Variants in PDCD10 observed in about 807,000 individuals in gnomAD.
PDCD10 encodes the protein programmed cell death 10, also known as programmed cell death protein 10.
In PDCD10, 4 loss-of-function variants were observed where a neutral mutation model predicts 29.2. The ratio of observed to expected loss-of-function variants is 0.14; its 90% CI spans 0.07 to 0.31. The LOEUF is 0.31. Among genes scored for constraint, PDCD10 ranks in the 10% least tolerant of loss-of-function variants. The pLI, the probability that PDCD10 is intolerant of heterozygous loss-of-function variation, is 1.00. For missense variants in PDCD10, 183 were observed against 257.9 expected (o/e 0.71, Z 1.99); for synonymous variants, 70 against 82.2 (o/e 0.85, Z 0.80).
At chr3:167,711,367 G>A (rs1722504789) in intron 3 of PDCD10, among the ~76,000 whole-genome samples, 1 of 152,086 alleles carries the variant, frequency 6.6e-6, no homozygotes, top group Non-Finnish European at 1.5e-5. Flanking sequence ...TTCTAGAACT[G>A]AAAAATGCAA....
intron 2 of PDCD10, among the ~76,000 whole-genome samples, chr3:167,720,967 A>T (rs1371720909): frequency 1.3e-5 from 1 of 78,286 alleles, no homozygotes; most frequent in Non-Finnish European, 2.7e-5. Context: ...AGAAAAACCC[A>T]GAGGCTGGTA....
intron 3 of PDCD10, among the ~76,000 whole-genome samples, chr3:167,710,080 C>T (rs987119263): frequency 9.2e-5 from 14 of 152,126 alleles, no homozygotes; most frequent in African/African-American, 3.4e-4. Flanking sequence ...TAAACAACAG[C>T]GATACCCAGG....
intron 2 of PDCD10, chr3:167,730,936 T>A (rs1229026520): frequency 1.3e-5 from 2 of 152,114 alleles, no homozygotes; most frequent in East Asian, 3.8e-4. Context: ...AATCAAGTGA[T>A]ATTAAAGGTA....
chr3:167,687,248 A>G lies in PDCD10; in HGVS notation c.543T>C (p.Tyr181=). The G allele has an allele frequency of 2.0e-6, 3 of 1,538,230 alleles. No homozygotes were observed. The highest frequency in any genetic ancestry group is 2.7e-6 in the Non-Finnish European group (3 of 1,111,510). Residue 181 remains tyrosine (Y), a synonymous_variant, in exon 8 of 9, where the codon TAT becomes TAC. Coordinates refer to ENST00000392750, the MANE Select transcript of PDCD10 (RefSeq NM_007217.4). The stretch of plus-strand genomic sequence containing the variant: ...ACAGTACTTACTTGCCATCTTTAAA[A>G]TACGTTTTCAGAGTATCACTGAAAC... ...SKSFSDTLKT[Y]FKDGKAINVF... is the part of the protein sequence containing the mutation.
At chr3:167,703,278 A>T (rs1055859381) in intron 4 of PDCD10, among the ~76,000 whole-genome samples, 7 of 151,126 alleles carry the variant, frequency 4.6e-5, no homozygotes, top group South Asian at 2.1e-4. Context: ...AAACAACAAT[A>T]AAAAAAAAGA....
At chr3:167,685,603 G>C (rs1396106212) in intron 8 of PDCD10, among the ~76,000 whole-genome samples, 1 of 152,036 alleles carries the variant, frequency 6.6e-6, no homozygotes, top group Non-Finnish European at 1.5e-5. Flanking sequence ...GAAAGTAGTA[G>C]CAACGACACT....
intron 4 of PDCD10, chr3:167,704,519 C>T (rs1010951416): frequency 2.6e-5 from 6 of 228,930 alleles, no homozygotes; most frequent in Admixed American, 2.1e-4. Context: ...TGAGTCACCA[C>T]GCCCAGCCAT....
chr3:167,684,470 T>C, intron 8 of PDCD10, 81 bp from the exon 9 acceptor site: 2 of 767,298 alleles, frequency 2.6e-6, no homozygotes, highest in Non-Finnish European at 4.6e-6. Flanking sequence ...ACAGTAGCAA[T>C]GGAATCAATT....
chr3:167,694,358 G>T, intron 6 of PDCD10: 1 of 195,938 alleles, frequency 5.1e-6, no homozygotes, highest in Non-Finnish European at 1.1e-5. Context: ...AATCAGACTG[G>T]GCTTCTTTCT....
At chr3:167,691,134 T>C (rs1012904847) in intron 6 of PDCD10, among the ~76,000 whole-genome samples, 4 of 152,218 alleles carry the variant, frequency 2.6e-5, no homozygotes, top group Admixed American at 1.3e-4. Flanking sequence ...TCATTTTCTA[T>C]TTTAGTGCAA....
At chr3:167,706,223 A>G (rs1371757475) in intron 3 of PDCD10, among the ~76,000 whole-genome samples, 1 of 152,242 alleles carries the variant, frequency 6.6e-6, no homozygotes, top group Non-Finnish European at 1.5e-5. Context: ...TTACAAAAAG[A>G]ATAAGTCACA....
chr3:167,727,100 A>G (rs1327693896), intron 2 of PDCD10, among the ~76,000 whole-genome samples: 1 of 152,222 alleles, frequency 6.6e-6, no homozygotes, highest in Non-Finnish European at 1.5e-5. Flanking sequence ...AAAGGAAACC[A>G]TGGCCCAGAA....
intron 2 of PDCD10, among the ~76,000 whole-genome samples, chr3:167,722,598 T>A (rs993856724): frequency 1.3e-5 from 2 of 152,120 alleles, no homozygotes; most frequent in African/African-American, 4.8e-5. Context: ...GGGTGAGAAA[T>A]CCCTGCAGGG....
At chr3:167,713,544 G>A (rs779732947) in intron 3 of PDCD10, among the ~76,000 whole-genome samples, 2 of 151,620 alleles carry the variant, frequency 1.3e-5, no homozygotes, top group Admixed American at 6.6e-5. Flanking sequence ...AAAATTAGTA[G>A]AGGAAAAGAA....
chr3:167,732,257 A>C (rs1384775920), intron 2 of PDCD10, among the ~76,000 whole-genome samples: 1 of 152,178 alleles, frequency 6.6e-6, no homozygotes, highest in Non-Finnish European at 1.5e-5. Flanking sequence ...TCTCTTTGTA[A>C]ATATTATCTT....
At chr3:167,714,752 T>C (rs906188579) in intron 3 of PDCD10, among the ~76,000 whole-genome samples, 25 of 151,842 alleles carry the variant, frequency 1.6e-4, no homozygotes, top group African/African-American at 5.3e-4. Flanking sequence ...AAAAGACCTT[T>C]ACAATGAAAA....
At chr3:167,717,704 A>G (rs6444553) in intron 3 of PDCD10, among the ~76,000 whole-genome samples, 50,203 of 151,772 alleles carry the variant, frequency 0.33, 9,760 homozygotes, top group African/African-American at 0.55. Context: ...TCAAGCCCTA[A>G]ATTTCATCTC....
intron 2 of PDCD10, among the ~76,000 whole-genome samples, chr3:167,724,950 T>C (rs1031319529): frequency 7.9e-5 from 12 of 152,156 alleles, no homozygotes; most frequent in Non-Finnish European, 1.3e-4. Context: ...CTCTCAATAA[T>C]ATAACACAGA....
At chr3:167,690,356 T>C (rs1017746758) in intron 6 of PDCD10, among the ~76,000 whole-genome samples, 3 of 152,216 alleles carry the variant, frequency 2.0e-5, no homozygotes, top group African/African-American at 4.8e-5. Context: ...GTGCTTTATG[T>C]TGAGTTTGGT....
Sources: allele counts gnomAD v4.1 joint callset (sites outside exome capture counted in the v4.1 genomes callset), GRCh38; gene constraint gnomAD v4.1.1; transcripts MANE v1.5; gene names NCBI Gene and HGNC (gene_info 2026-07-23, HGNC 2026-07-21).